PDE8B: variants seen among roughly 807,000 people sequenced by gnomAD.
The protein encoded by PDE8B is phosphodiesterase 8B.
A neutral mutation model predicts 101.3 loss-of-function variants in PDE8B; 26 were observed. The ratio of observed to expected loss-of-function variants is 0.26; its 90% CI spans 0.19 to 0.36. The LOEUF is 0.36. PDE8B is among the 10% of genes least tolerant of loss of function. The pLI is 1.00. For synonymous variants in PDE8B, 424 were observed against 429.3 expected (o/e 0.99, Z 0.15); for missense variants, 810 against 1,163.1 (o/e 0.70, Z 4.42).
intron 1 of PDE8B, among the ~76,000 whole-genome samples, chr5:77,217,540 A>AT (rs1249299993): frequency 0.013 from 1,866 of 145,000 alleles, 34 homozygotes; most frequent in African/African-American, 0.035. Flanking sequence ...GAAAACACCA[A>AT]TTTTTTTTTT....
chr5:77,326,544 C>T (rs34142462), intron 3 of PDE8B, among the ~76,000 whole-genome samples: 28,620 of 152,134 alleles, frequency 0.19, 3,382 homozygotes, highest in Middle Eastern at 0.32. Context: ...CATCATCTTG[C>T]TATTCTTTGA....
chr5:77,419,048 G>C (rs1796124348), intron 18 of PDE8B, among the ~76,000 whole-genome samples: 1 of 152,200 alleles, frequency 6.6e-6, no homozygotes, highest in African/African-American at 2.4e-5. Flanking sequence ...CAGGAATGCT[G>C]GTCTATGTGA....
chr5:77,287,948 G>C (rs949435392), intron 1 of PDE8B, among the ~76,000 whole-genome samples: 1 of 152,056 alleles, frequency 6.6e-6, no homozygotes, highest in East Asian at 1.9e-4. Context: ...CCCTCTCTTG[G>C]CTTTTGGTCA....
At chr5:77,241,343 G>A (rs149947185) in intron 1 of PDE8B, among the ~76,000 whole-genome samples, 2 of 152,292 alleles carry the variant, frequency 1.3e-5, no homozygotes, top group African/African-American at 4.8e-5. Flanking sequence ...GATGTTTAAT[G>A]TGAACTCAGA....
rs567093603 is a variant in PDE8B at position 77,316,009 on chromosome 5, A to G, written c.399+3956A>G. On this transcript the variant is annotated intron_variant, in intron 2 of 21. Coordinates refer to ENST00000264917, the MANE Select transcript of PDE8B (RefSeq NM_003719.5). The stretch of plus-strand genomic sequence containing the variant: ...TTTTTTCAATAAAAATATGGGAAAT[A>G]AAATCTGTTTCTATAATCTTTGTCT... Among the ~76,000 whole-genome samples the G allele has an allele frequency of 3.3e-5, 5 of 152,150 alleles. No individual in the cohort carries two copies. The South Asian group carries it at 1.0e-3, about 32-fold the overall frequency.
chr5:77,167,375 A>G, the PDE8B span, among the ~76,000 whole-genome samples: 2 of 152,340 alleles, frequency 1.3e-5, no homozygotes, highest in South Asian at 2.1e-4. Flanking sequence ...GAAAAACCCA[A>G]TAGAGGAATA....
At chr5:77,117,618 G>A in the PDE8B span, among the ~76,000 whole-genome samples, 5 of 152,098 alleles carry the variant, frequency 3.3e-5, no homozygotes, top group African/African-American at 4.8e-5. Context: ...CACCAGTTCC[G>A]GAGATCCTTG....
chr5:77,247,221 G>A (rs1561409763), intron 1 of PDE8B, among the ~76,000 whole-genome samples: 1 of 152,144 alleles, frequency 6.6e-6, no homozygotes, highest in Non-Finnish European at 1.5e-5. Flanking sequence ...TCTGTCTCCA[G>A]CACAGGCTCT....
intron 1 of PDE8B, chr5:77,291,808 G>A: frequency 6.4e-7 from 1 of 1,562,030 alleles, no homozygotes; most frequent in Admixed American, 1.7e-5. Context: ...CAGTAAAGGT[G>A]TTTTAGATGA....
the PDE8B span, chr5:77,144,446 A>G: frequency 2.3e-4 from 35 of 152,352 alleles, no homozygotes; most frequent in Non-Finnish European, 4.6e-4. Flanking sequence ...ATACAGGACC[A>G]ATGAGTACGA....
chr5:77,337,881 G>T (rs1309414077), intron 6 of PDE8B, among the ~76,000 whole-genome samples: 1 of 152,238 alleles, frequency 6.6e-6, no homozygotes, highest in Non-Finnish European at 1.5e-5. Flanking sequence ...TTCTCTGCGT[G>T]TCTGGCTGCT....
chr5:77,152,053 A>G, the PDE8B span: 9 of 152,052 alleles, frequency 5.9e-5, no homozygotes, highest in Non-Finnish European at 1.3e-4. Flanking sequence ...AAGCTTCTGA[A>G]TGTGTGAACC....
the PDE8B span, among the ~76,000 whole-genome samples, chr5:77,169,213 C>G: frequency 6.6e-6 from 1 of 152,174 alleles, no homozygotes; most frequent in Admixed American, 6.5e-5. Context: ...TCCCGTAGCA[C>G]CAACACAGTC....
chr5:77,364,469 T>G (rs1783742888), intron 10 of PDE8B, among the ~76,000 whole-genome samples: 1 of 152,170 alleles, frequency 6.6e-6, no homozygotes, highest in South Asian at 2.1e-4. Flanking sequence ...GTGCCATTGC[T>G]TGAAAAAGAA....
intron 1 of PDE8B, among the ~76,000 whole-genome samples, chr5:77,248,048 C>T (rs547992843): frequency 3.8e-4 from 58 of 152,264 alleles, no homozygotes; most frequent in Non-Finnish European, 6.5e-4. Flanking sequence ...CTGTTCATCC[C>T]CCATGGGACA....
At chr5:77,325,859 C>T in intron 3 of PDE8B, 130 bp downstream of exon 3, 1 of 703,912 alleles carries the variant, frequency 1.4e-6, no homozygotes, top group Admixed American at 2.2e-5. Flanking sequence ...GCAGTGTATA[C>T]AGATGTCTGT....
chr5:77,200,657 C>T, the PDE8B span, among the ~76,000 whole-genome samples: 6 of 152,112 alleles, frequency 3.9e-5, no homozygotes, highest in East Asian at 1.2e-3. Flanking sequence ...AAAGTGTGAT[C>T]CCTGAGTAAG....
chr5:77,278,623 C>T (rs570355042), intron 1 of PDE8B, among the ~76,000 whole-genome samples: 1 of 152,120 alleles, frequency 6.6e-6, no homozygotes, highest in Non-Finnish European at 1.5e-5. Context: ...GCACCTGCCA[C>T]CACGCCCGGC....
At chr5:77,351,991 G>T (rs1187485326) in intron 9 of PDE8B, among the ~76,000 whole-genome samples, 1 of 152,224 alleles carries the variant, frequency 6.6e-6, no homozygotes, top group Non-Finnish European at 1.5e-5. Context: ...CCAGGTATTT[G>T]TAATAGCTTG....
Sources: allele counts gnomAD v4.1 joint callset (sites outside exome capture counted in the v4.1 genomes callset), GRCh38; gene constraint gnomAD v4.1.1; transcripts MANE v1.5; gene names NCBI Gene and HGNC (gene_info 2026-07-23, HGNC 2026-07-21).